SLCO3A1: variants seen among roughly 807,000 people sequenced by gnomAD.
SLCO3A1 encodes solute carrier organic anion transporter family member 3A1.
Under a neutral mutation model 63.1 loss-of-function variants are expected in SLCO3A1, and 27 were observed. That is an observed-to-expected ratio of 0.43 (90% confidence interval 0.32 to 0.59). SLCO3A1 has a LOEUF of 0.59. Among genes scored for constraint, SLCO3A1 ranks in the 20% least tolerant of loss-of-function variants. The probability of loss-of-function intolerance (pLI) is 0.09; values close to 1 mark genes in which losing one functional copy is unlikely to be tolerated. For synonymous variants in SLCO3A1, 473 were observed against 409.9 expected (o/e 1.15, Z -1.86); for missense variants, 773 against 945.8 (o/e 0.82, Z 2.40).
intron 2 of SLCO3A1, among the ~76,000 whole-genome samples, chr15:92,042,255 A>G (rs1234407328): frequency 2.0e-5 from 3 of 152,222 alleles, no homozygotes; most frequent in Non-Finnish European, 2.9e-5. Flanking sequence ...GAAGTGTGCC[A>G]GGCAGAGGCT....
In SLCO3A1 at chr15:92,033,933, G is replaced by A. The variant is rs76463252; in HGVS notation, c.647-60948G>A. ...TGGCGTTGATGAGCTGGGAGCAGGCGCATGGGTGGGACCCAGTGAGGGAGG... is the reference window on the plus strand; with the variant it reads ...TGGCGTTGATGAGCTGGGAGCAGGCACATGGGTGGGACCCAGTGAGGGAGG... On this transcript the variant is annotated intron_variant, in intron 2 of 9. Coordinates refer to ENST00000318445, the MANE Select transcript of SLCO3A1 (RefSeq NM_013272.4). This position sits in a 1 kb window ranked among gnomAD's most constrained non-coding sequence, Gnocchi z 4.5. Among the ~76,000 whole-genome samples, 994 of 151,754 alleles carry A rather than the reference G, an allele frequency of 6.6e-3. 4 individuals are homozygous for A. The highest frequency in any genetic ancestry group is 0.02 in the African/African-American group (820 of 41,382).
intron 2 of SLCO3A1, among the ~76,000 whole-genome samples, chr15:92,011,743 A>G (rs2046371187): frequency 6.6e-6 from 1 of 152,194 alleles, no homozygotes; most frequent in Non-Finnish European, 1.5e-5. Context: ...CAAGGGCAGC[A>G]TCGCTGGCTC....
chr15:92,029,570 T>G (rs527828784), intron 2 of SLCO3A1, among the ~76,000 whole-genome samples: 28 of 152,322 alleles, frequency 1.8e-4, no homozygotes, highest in African/African-American at 6.7e-4. Flanking sequence ...TGTAGAAAAT[T>G]TGGAAACACA....
Position 92,069,128 on chromosome 15 carries a change from G to A in SLCO3A1, c.647-25753G>A, listed in dbSNP as rs1023967187. Among the ~76,000 whole-genome samples, 30 of 96,590 alleles carry A rather than the reference G, an allele frequency of 3.1e-4. 1 individual carries two copies. The highest frequency in any genetic ancestry group is 3.1e-3 in the Admixed American group (28 of 9,024). The allele number at this position is 96,590 out of a possible 152,430, so 63.4% of individuals were successfully genotyped here. ...CCCCGCCACCCCCCACTCCCCCCAG[G>A]GGACATTTGCCAATAGCTGGAGATA... On this transcript the variant is annotated intron_variant, in intron 2 of 9. Transcript: ENST00000318445.
intron 2 of SLCO3A1, among the ~76,000 whole-genome samples, chr15:92,005,572 C>T (rs577701270): frequency 2.0e-5 from 3 of 152,316 alleles, no homozygotes; most frequent in South Asian, 2.1e-4. Flanking sequence ...GGCTCAAGCA[C>T]CTGCCTGTGC....
intron 2 of SLCO3A1, among the ~76,000 whole-genome samples, chr15:92,094,481 G>T (rs747528138): frequency 1.3e-5 from 2 of 152,174 alleles, no homozygotes; most frequent in Non-Finnish European, 2.9e-5. Context: ...GGTGTCAAGG[G>T]ATCTTAGCCA....
At chr15:92,063,859 A>G (rs2047116354) in intron 2 of SLCO3A1, among the ~76,000 whole-genome samples, 2 of 149,174 alleles carry the variant, frequency 1.3e-5, no homozygotes, top group African/African-American at 5.0e-5. Flanking sequence ...CAAAAAGCAA[A>G]CAAACAAAAA....
At position 91,853,768 on chromosome 15, in the gene SLCO3A1, A is replaced by G; in HGVS notation, c.-141A>G. ...TGCCTTCCACCTCTCCAGCCCCGGC[A>G]GGACGGGGGCGGCCGCCGCGAACCC... is the stretch of plus-strand genomic sequence containing the variant. On this transcript the variant is annotated 5_prime_UTR_variant, in exon 1 of 10. Transcript: ENST00000318445. The G allele has an allele frequency of 2.6e-6, 2 of 782,124 alleles. No individual in the cohort carries two copies. The highest frequency in any genetic ancestry group is 3.2e-6 in the Non-Finnish European group (2 of 631,838). 48.4% of individuals were successfully genotyped at this position (782,124 alleles called of 1,614,324 possible). A position where few individuals can be genotyped will look rare whatever the true frequency, so the allele number is the denominator to read the frequency against.
Position 91,916,848 on chromosome 15 carries a change from A to G in SLCO3A1, c.646+390A>G, listed in dbSNP as rs575843385. Reference sequence around the variant, plus strand: ...ACTCCAGCTTTGAAGAATCAGAATGATGTCCTGGTCATTGTCCTGTTGCAG... The same window carrying G: ...ACTCCAGCTTTGAAGAATCAGAATGGTGTCCTGGTCATTGTCCTGTTGCAG... On this transcript the variant is annotated intron_variant, in intron 2 of 9. Transcript: ENST00000318445. The surrounding 1 kb of genome is among the most constrained non-coding windows in gnomAD (Gnocchi z 6.2). Among the ~76,000 whole-genome samples, 1 of 152,278 alleles carries G rather than the reference A, an allele frequency of 6.6e-6. No individual in the cohort carries two copies. Among genetic ancestry groups the G allele is most frequent in the East Asian group, 1.9e-4 (1 of 5,182 alleles).
intron 2 of SLCO3A1, among the ~76,000 whole-genome samples, chr15:91,965,754 G>GTGT: frequency 6.7e-6 from 1 of 150,288 alleles, no homozygotes; most frequent in African/African-American, 2.4e-5. Flanking sequence ...GTGTGTGTGT[G>GTGT]GAGGGAAATT....
In SLCO3A1 at chr15:91,854,181, G is replaced by A; in HGVS notation, c.180+93G>A. Reference sequence around the variant, plus strand: ...CGACGAGGGGGCCGCCCGGCGCTGGGGGCAGGCGGGCATGACCTCGGCCCG... The same window carrying A: ...CGACGAGGGGGCCGCCCGGCGCTGGAGGCAGGCGGGCATGACCTCGGCCCG... On this transcript the variant is annotated intron_variant, in intron 1 of 9. Coordinates refer to ENST00000318445, the MANE Select transcript of SLCO3A1 (RefSeq NM_013272.4). The surrounding 1 kb of genome is among the most constrained non-coding windows in gnomAD (Gnocchi z 6.4). 8.3e-7 allele frequency: 1 copy of A among 1,206,118 alleles called. No homozygotes were observed. Among genetic ancestry groups the A allele is most frequent in the Non-Finnish European group, 1.1e-6 (1 of 939,586 alleles). The allele number at this position is 1,206,118 out of a possible 1,614,324, so 74.7% of individuals were successfully genotyped here.
At chr15:91,981,580 G>A (rs1368994741) in intron 2 of SLCO3A1, among the ~76,000 whole-genome samples, 1 of 152,030 alleles carries the variant, frequency 6.6e-6, no homozygotes, top group Non-Finnish European at 1.5e-5. Flanking sequence ...CATTATGTAT[G>A]GTGATCGTAA....
At chr15:92,069,338 G>C (rs970142262) in intron 2 of SLCO3A1, among the ~76,000 whole-genome samples, 1 of 152,150 alleles carries the variant, frequency 6.6e-6, no homozygotes, top group African/African-American at 2.4e-5. Flanking sequence ...TAGATACGCA[G>C]ATAATTTCAG....
chr15:91,938,121 T>A (rs1009969881), intron 2 of SLCO3A1, among the ~76,000 whole-genome samples: 1 of 152,226 alleles, frequency 6.6e-6, no homozygotes, highest in African/African-American at 2.4e-5. Context: ...TTTTTGGAGA[T>A]GAATTCAAAT....
chr15:92,072,912 A>T (rs2047233272), intron 2 of SLCO3A1, among the ~76,000 whole-genome samples: 3 of 151,914 alleles, frequency 2.0e-5, no homozygotes, highest in South Asian at 2.1e-4. Flanking sequence ...ACATAGACAT[A>T]TTTTTTTTGA....
At chr15:92,105,631 G>A (rs2047658899) in intron 4 of SLCO3A1, among the ~76,000 whole-genome samples, 1 of 152,166 alleles carries the variant, frequency 6.6e-6, no homozygotes, top group South Asian at 2.1e-4. Context: ...TATCAGGCGA[G>A]GTATGTGTGA....
intron 3 of SLCO3A1, among the ~76,000 whole-genome samples, chr15:92,100,696 G>C (rs1195674797): frequency 6.6e-6 from 1 of 152,208 alleles, no homozygotes; most frequent in African/African-American, 2.4e-5. Context: ...TGTTCTTATA[G>C]AACGTGGATT....
At chr15:91,989,369 C>A (rs953124740) in intron 2 of SLCO3A1, among the ~76,000 whole-genome samples, 9 of 152,202 alleles carry the variant, frequency 5.9e-5, no homozygotes, top group African/African-American at 2.2e-4. Context: ...GGGGCATCAG[C>A]CTTACCTTCT....
chr15:92,079,193 T>C (rs541795059), intron 2 of SLCO3A1, among the ~76,000 whole-genome samples: 6 of 152,256 alleles, frequency 3.9e-5, no homozygotes, highest in South Asian at 2.1e-4. Context: ...TGCATTCACG[T>C]TGGATGGCCC....
Sources: gnomAD v4.1 joint callset for allele counts (sites outside exome capture counted in the v4.1 genomes callset) on GRCh38, gnomAD v4.1.1 for gene constraint, Gnocchi (gnomAD v3.1) non-coding constraint, MANE v1.5 for transcripts, NCBI Gene and HGNC (gene_info 2026-07-23, HGNC 2026-07-21) for gene names.